CEP112: variants seen among roughly 807,000 people sequenced by gnomAD.
CEP112 encodes the protein centrosomal protein 112.
CEP112 carries 127 observed loss-of-function variants against 153.0 expected under a neutral mutation model. That is an observed-to-expected ratio of 0.83 (90% confidence interval 0.72 to 0.96). CEP112 has a LOEUF of 0.96. Among genes scored for constraint, CEP112 ranks in the 40% least tolerant of loss-of-function variants. The pLI, the probability that CEP112 is intolerant of heterozygous loss-of-function variation, is 0.00. For synonymous variants in CEP112, 358 were observed against 374.4 expected (o/e 0.96, Z 0.51); for missense variants, 1,089 against 1,101.2 (o/e 0.99, Z 0.16).
intron 21 of CEP112, among the ~76,000 whole-genome samples, chr17:65,763,446 T>C (rs978255189): frequency 6.6e-6 from 1 of 151,988 alleles, no homozygotes; most frequent in Non-Finnish European, 1.5e-5. Flanking sequence ...TTCCCATATG[T>C]GTACATTACA....
intron 21 of CEP112, among the ~76,000 whole-genome samples, chr17:65,813,187 G>A (rs371575817): frequency 4.6e-5 from 7 of 152,192 alleles, no homozygotes; most frequent in African/African-American, 1.7e-4. Context: ...ATAATTCTTC[G>A]AGAAAAGGCA....
At chr17:65,649,073 AACACACACACACAC>A (rs71158400) in intron 24 of CEP112, among the ~76,000 whole-genome samples, 306 of 139,954 alleles carry the variant, frequency 2.2e-3, no homozygotes, top group African/African-American at 7.3e-3. Context: ...CAAACAAACA[AACACACACACACAC>A]ACACACACAC....
At chr17:65,838,704 A>G (rs1022303060) in intron 21 of CEP112, among the ~76,000 whole-genome samples, 3 of 152,098 alleles carry the variant, frequency 2.0e-5, no homozygotes, top group African/African-American at 4.8e-5. Context: ...TCAGCAAAAC[A>G]AAAAGTTGTT....
chr17:65,859,215 G>A (rs552082412), intron 20 of CEP112, among the ~76,000 whole-genome samples: 7 of 152,038 alleles, frequency 4.6e-5, no homozygotes, highest in African/African-American at 1.2e-4. Flanking sequence ...AGGCCGAGGC[G>A]GGCAGATCAC....
At chr17:65,852,399 CCTCT>C (rs1179130251) in intron 20 of CEP112, among the ~76,000 whole-genome samples, 1 of 20,908 alleles carries the variant, frequency 4.8e-5, no homozygotes, top group Non-Finnish European at 8.9e-5. Flanking sequence ...CCCTCCCTTC[CCTCT>C]CCCTCCCTCC....
chr17:65,648,485 T>C (rs1402600224), intron 24 of CEP112, among the ~76,000 whole-genome samples: 1 of 152,210 alleles, frequency 6.6e-6, no homozygotes, highest in Non-Finnish European at 1.5e-5. Flanking sequence ...TTCCCTTAAC[T>C]TTTAAAGTGA....
intron 6 of CEP112, among the ~76,000 whole-genome samples, chr17:66,114,575 T>C (rs540089556): frequency 6.6e-6 from 1 of 152,306 alleles, no homozygotes; most frequent in Non-Finnish European, 1.5e-5. Context: ...CAAAATAAAT[T>C]CACTCTTCAA....
At chr17:65,873,885 T>C (rs1414565176) in intron 20 of CEP112, among the ~76,000 whole-genome samples, 4 of 152,190 alleles carry the variant, frequency 2.6e-5, no homozygotes, top group Non-Finnish European at 4.4e-5. Flanking sequence ...ATATAGCATA[T>C]ACCAATTTCA....
At chr17:65,863,377 A>G (rs954577840) in intron 20 of CEP112, among the ~76,000 whole-genome samples, 3 of 152,334 alleles carry the variant, frequency 2.0e-5, no homozygotes, top group South Asian at 2.1e-4. Flanking sequence ...TTTCTAACAA[A>G]TTAAATACAA....
intron 18 of CEP112, among the ~76,000 whole-genome samples, chr17:65,936,707 G>GA (rs902032703): frequency 2.6e-5 from 4 of 151,974 alleles, no homozygotes; most frequent in African/African-American, 9.7e-5. Context: ...AATAGATGCA[G>GA]AAAAATCACT....
intron 21 of CEP112, chr17:65,826,300 C>A (rs1434231572): frequency 1.9e-6 from 3 of 1,613,992 alleles, no homozygotes; most frequent in Non-Finnish European, 2.5e-6. Flanking sequence ...AAGCCCACAT[C>A]TTCGTTGACC....
At chr17:65,656,965 C>T (rs1018508601) in intron 24 of CEP112, among the ~76,000 whole-genome samples, 1 of 152,188 alleles carries the variant, frequency 6.6e-6, no homozygotes, top group South Asian at 2.1e-4. Flanking sequence ...ATTCTGTCAT[C>T]TCAGTATTGC....
At chr17:66,059,403 G>A (rs1312192043) in intron 11 of CEP112, among the ~76,000 whole-genome samples, 1 of 152,090 alleles carries the variant, frequency 6.6e-6, no homozygotes, top group Non-Finnish European at 1.5e-5. Context: ...CTATGTATCT[G>A]ACAAAGGTCT....
intron 21 of CEP112, among the ~76,000 whole-genome samples, chr17:65,837,136 G>A (rs1251148648): frequency 2.0e-5 from 3 of 152,248 alleles, no homozygotes; most frequent in South Asian, 2.1e-4. Flanking sequence ...GTGCAGTGGC[G>A]TGATCTCGGC....
At chr17:65,750,269 G>A (rs1168577592) in intron 22 of CEP112, among the ~76,000 whole-genome samples, 2 of 152,108 alleles carry the variant, frequency 1.3e-5, no homozygotes, top group Non-Finnish European at 2.9e-5. Context: ...CTTTGGTAGA[G>A]CAAAATGGAG....
chr17:65,930,586 A>G (rs2061084800), intron 18 of CEP112, among the ~76,000 whole-genome samples: 1 of 152,262 alleles, frequency 6.6e-6, no homozygotes, highest in African/African-American at 2.4e-5. Flanking sequence ...TTACTGATTC[A>G]TAGATAATTA....
rs9905507 is a variant in CEP112, at chr17:65,858,845, A to C, written c.2164-6811T>G. On this transcript the variant is annotated intron_variant, in intron 20 of 26. Transcript: ENST00000535342. The stretch of plus-strand genomic sequence containing the variant: ...TTATGAACTTATTTTTGATTAGGAA[A>C]TACGTTGACATTGATAAGAATTTAT... Among the ~76,000 whole-genome samples the C allele has an allele frequency of 2.7e-3, 411 of 152,332 alleles. 1 individual carries two copies. The highest frequency in any genetic ancestry group is 9.5e-3 in the African/African-American group (396 of 41,562).
chr17:65,791,851 A>C (rs757532208), intron 21 of CEP112, among the ~76,000 whole-genome samples: 3 of 152,210 alleles, frequency 2.0e-5, no homozygotes, highest in Non-Finnish European at 4.4e-5. Context: ...AAATACAATG[A>C]AATATATTGT....
intron 4 of CEP112, among the ~76,000 whole-genome samples, chr17:66,145,270 T>C (rs1363348376): frequency 2.0e-5 from 3 of 152,178 alleles, no homozygotes; most frequent in African/African-American, 2.4e-5. Flanking sequence ...GAATCCTTTA[T>C]GTATTCTAGC....
Sources: allele counts gnomAD v4.1 joint callset (sites outside exome capture counted in the v4.1 genomes callset), GRCh38; gene constraint gnomAD v4.1.1; transcripts MANE v1.5; gene names NCBI Gene and HGNC (gene_info 2026-07-23, HGNC 2026-07-21).